The following SLC66A2 variants were observed in gnomAD, a reference collection of about 807,000 sequenced individuals.
The protein encoded by SLC66A2 is solute carrier family 66 member 2, also known as PQ loop repeat containing 1.
Under a neutral mutation model 25.5 loss-of-function variants are expected in SLC66A2, and 23 were observed. The ratio of observed to expected loss-of-function variants is 0.90; its 90% CI spans 0.65 to 1.28. The LOEUF (loss-of-function observed/expected upper bound fraction) is 1.28. Among genes scored for constraint, SLC66A2 ranks in the 50% most tolerant of loss-of-function variants. The probability of loss-of-function intolerance (pLI) is 0.00; values close to 1 mark genes in which losing one functional copy is unlikely to be tolerated. For missense variants in SLC66A2, 396 were observed against 373.1 expected (o/e 1.06, Z -0.51); for synonymous variants, 193 against 166.5 (o/e 1.16, Z -1.23).
At chr18:79,948,852 G>A (rs913754926) in intron 2 of SLC66A2, among the ~76,000 whole-genome samples, 11 of 152,116 alleles carry the variant, frequency 7.2e-5, no homozygotes, top group African/African-American at 1.7e-4. Flanking sequence ...GCCGACCAGC[G>A]TCTCCCCAAC....
Position 79,924,102 on chromosome 18 carries a change from T to C in SLC66A2, c.392-4702A>G, listed in dbSNP as rs78121924. Among the ~76,000 whole-genome samples the C allele has an allele frequency of 5.7e-4, 87 of 151,330 alleles. 1 individual carries two copies. The East Asian group carries it at 0.015, about 26-fold the overall frequency. ...CGCCAAACACCCTCAATTCGTGCAT[T>C]TACCACTGCCGGGCCGGCGGAGAGG... On this transcript the variant is annotated intron_variant, in intron 4 of 5. Transcript: ENST00000397778.
chr18:79,950,153 G>A (rs2051069386), intron 2 of SLC66A2, among the ~76,000 whole-genome samples: 1 of 151,978 alleles, frequency 6.6e-6, no homozygotes, highest in Non-Finnish European at 1.5e-5. Flanking sequence ...ACCAGCCTGG[G>A]CAACAAAGTG....
At position 79,941,951 on chromosome 18, in the gene SLC66A2, G is replaced by A. The variant is rs1224320472; in HGVS notation, c.337+1378C>T. Among the ~76,000 whole-genome samples, 1 of 152,166 alleles carries A rather than the reference G, an allele frequency of 6.6e-6. No homozygotes were observed. The highest frequency in any genetic ancestry group is 2.4e-5 in the African/African-American group (1 of 41,420). ...CATCTTAGGCACAAACCGTTCTCTC[G>A]GCCAGCCGGCCCTCCCACAGTGAGA... On this transcript the variant is annotated intron_variant, in intron 3 of 5. Transcript: ENST00000397778. The surrounding 1 kb of genome is among the most constrained non-coding windows in gnomAD (Gnocchi z 4.1).
chr18:79,912,533 A>G (rs11661232), intron 5 of SLC66A2, among the ~76,000 whole-genome samples: 57,664 of 151,944 alleles, frequency 0.38, 11,669 homozygotes, highest in East Asian at 0.52. Context: ...ACGTGTCACC[A>G]GGCCACGTGT....
intron 4 of SLC66A2, 151 bp downstream of exon 4, chr18:79,933,818 T>C: frequency 1.6e-6 from 1 of 635,972 alleles, no homozygotes; most frequent in South Asian, 1.9e-5. Flanking sequence ...ACAGCAGAGC[T>C]AGGAGTTGAT....
chr18:79,916,294 G>A (rs948312972), intron 5 of SLC66A2, among the ~76,000 whole-genome samples: 22 of 142,930 alleles, frequency 1.5e-4, no homozygotes, highest in African/African-American at 4.9e-4. Flanking sequence ...TCCCGTACCC[G>A]TGGTGCTCCC....
In SLC66A2 at chr18:79,927,312, G is replaced by A. The variant is rs9947706; in HGVS notation, c.391+6657C>T. Reference sequence around the variant, plus strand: ...GACCTGAGGGGCACAGGCTACAGTCGGGAGAGCCCCGGGCAGGCACACAGG... The same window carrying A: ...GACCTGAGGGGCACAGGCTACAGTCAGGAGAGCCCCGGGCAGGCACACAGG... On this transcript the variant is annotated intron_variant, in intron 4 of 5. Coordinates refer to ENST00000397778, the MANE Select transcript of SLC66A2 (RefSeq NM_025078.5). The surrounding 1 kb of genome is among the most constrained non-coding windows in gnomAD (Gnocchi z 6.2). 4.4e-5 allele frequency among the ~76,000 whole-genome samples: 6 copies of A among 135,924 alleles called. No homozygotes were observed. The highest frequency in any genetic ancestry group is 2.1e-4 in the African/African-American group (6 of 27,958). The allele number at this position is 135,924 out of a possible 152,430, so 89.2% of individuals were successfully genotyped here.
intron 3 of SLC66A2, among the ~76,000 whole-genome samples, chr18:79,938,522 G>A (rs1987338820): frequency 6.6e-6 from 1 of 152,226 alleles, no homozygotes. Context: ...TCAGTGGAAT[G>A]AGGGTTTCTT....
rs1203814254 is a variant in SLC66A2, at chr18:79,902,464, G to A, written c.*1512C>T. 1 of 152,274 alleles carries A rather than the reference G, an allele frequency of 6.6e-6. No homozygotes were observed. Among genetic ancestry groups the A allele is most frequent in the Non-Finnish European group, 1.5e-5 (1 of 68,064 alleles). 9.4% of individuals were successfully genotyped at this position (152,274 alleles called of 1,614,324 possible). A position where few individuals can be genotyped will look rare whatever the true frequency, so the allele number is the denominator to read the frequency against. Reference sequence around the variant, plus strand: ...TATTGATTCCAAGTCGCCACACAGGGTACATTCAGCAGTCACTGCGCCTGC... The same window carrying A: ...TATTGATTCCAAGTCGCCACACAGGATACATTCAGCAGTCACTGCGCCTGC... On this transcript the variant is annotated 3_prime_UTR_variant, in exon 6 of 6. Coordinates refer to ENST00000397778, the MANE Select transcript of SLC66A2 (RefSeq NM_025078.5).
intron 2 of SLC66A2, 169 bp from the exon 3 acceptor site, chr18:79,943,631 T>G: frequency 1.4e-6 from 1 of 716,980 alleles, no homozygotes; most frequent in East Asian, 2.9e-5. Context: ...CCACATCGCC[T>G]CTCCCAGTCC....
In SLC66A2 at chr18:79,904,284, CAGGGGCACCCAGGGGGCTA is replaced by C; in HGVS notation, c.609-120_609-102del. ...TTAGACAGCGGGGAGACCTGGGGCT[CAGGGGCACCCAGGGGGCTA>C]AGGGGACCCCCAGGCAGTCGGCGGG... On this transcript the variant is annotated intron_variant, in intron 5 of 5. Transcript: ENST00000397778. This position sits in a 1 kb window ranked among gnomAD's most constrained non-coding sequence, Gnocchi z 6.3. 2.9e-6 allele frequency: 3 copies of C among 1,025,272 alleles called. No homozygotes were observed. The highest frequency in any genetic ancestry group is 4.5e-6 in the Non-Finnish European group (3 of 673,304). The allele number at this position is 1,025,272 out of a possible 1,614,324, so 63.5% of individuals were successfully genotyped here. A position where few individuals can be genotyped will look rare whatever the true frequency, so the allele number is the denominator to read the frequency against.
At chr18:79,928,567 C>A (rs1214626339) in intron 4 of SLC66A2, among the ~76,000 whole-genome samples, 1 of 152,202 alleles carries the variant, frequency 6.6e-6, no homozygotes. Context: ...CTTAGGGACA[C>A]ACGGCGAATG....
chr18:79,918,420 C>CAG lies in SLC66A2; in HGVS notation c.608+763_608+764insCT, dbSNP rs1555702988. 1.0e-4 allele frequency among the ~76,000 whole-genome samples: 11 copies of CAG among 109,016 alleles called. 3 individuals are homozygous for CAG. Among genetic ancestry groups the CAG allele is most frequent in the Non-Finnish European group, 2.1e-4 (10 of 47,228 alleles). The allele number at this position is 109,016 out of a possible 152,430, so 71.5% of individuals were successfully genotyped here. Reference sequence around the variant, plus strand: ...GCGGATCCCCAGTGAGGAGCGGGCCCGGGGGGGGGTCCCCAGTGAGGAGCG... The same window carrying CAG: ...GCGGATCCCCAGTGAGGAGCGGGCCCAGGGGGGGGGGTCCCCAGTGAGGAGCG... On this transcript the variant is annotated intron_variant, in intron 5 of 5. Transcript: ENST00000397778. This position sits in a 1 kb window ranked among gnomAD's most constrained non-coding sequence, Gnocchi z 4.0.
intron 2 of SLC66A2, among the ~76,000 whole-genome samples, chr18:79,948,885 A>T (rs1265850500): frequency 1.3e-5 from 2 of 152,174 alleles, no homozygotes; most frequent in African/African-American, 2.4e-5. Context: ...CACTCAAAGT[A>T]AACAACAGCA....
At chr18:79,936,902 C>A (rs150092569) in intron 3 of SLC66A2, among the ~76,000 whole-genome samples, 1 of 152,136 alleles carries the variant, frequency 6.6e-6, no homozygotes, top group African/African-American at 2.4e-5. Context: ...GGGAGGCCGG[C>A]GCTGGCATGG....
At chr18:79,938,979 A>G (rs934841895) in intron 3 of SLC66A2, among the ~76,000 whole-genome samples, 1 of 152,248 alleles carries the variant, frequency 6.6e-6, no homozygotes, top group East Asian at 1.9e-4. Flanking sequence ...ACCGGCCAGA[A>G]GCTGTTTTAC....
intron 4 of SLC66A2, among the ~76,000 whole-genome samples, chr18:79,932,384 G>A (rs868828777): frequency 1.1e-4 from 16 of 151,834 alleles, no homozygotes; most frequent in Middle Eastern, 3.4e-3. Context: ...ATATTGGAGT[G>A]AAATAAAACA....
At chr18:79,943,611 T>C in intron 2 of SLC66A2, 149 bp from the exon 3 acceptor site, 1 of 885,640 alleles carries the variant, frequency 1.1e-6, no homozygotes, top group Non-Finnish European at 1.7e-6. Context: ...AGACCCTGTG[T>C]CAGGCCCACC....
chr18:79,925,040 T>A (rs1477801621), intron 4 of SLC66A2: 1 of 152,336 alleles, frequency 6.6e-6, no homozygotes, highest in East Asian at 1.9e-4. Context: ...CTGGTGGGCA[T>A]GGTGACTCCT....
Sources: allele counts gnomAD v4.1 joint callset (sites outside exome capture counted in the v4.1 genomes callset), GRCh38; gene constraint gnomAD v4.1.1; non-coding constraint Gnocchi (gnomAD v3.1); transcripts MANE v1.5; gene names NCBI Gene and HGNC (gene_info 2026-07-23, HGNC 2026-07-21).